Variants in CSMD1 observed in about 807,000 individuals in gnomAD.
CSMD1 encodes the protein CUB and sushi domain-containing protein 1.
CSMD1 carries 213 observed loss-of-function variants against 417.5 expected under a neutral mutation model. The ratio of observed to expected loss-of-function variants is 0.51; its 90% CI spans 0.46 to 0.57. The LOEUF (loss-of-function observed/expected upper bound fraction) is 0.57, where lower values mean the gene tolerates loss of function less well. Ranked by LOEUF, CSMD1 falls within the 20% of genes least tolerant of loss-of-function variation. The probability of loss-of-function intolerance (pLI) is 0.00; values close to 1 mark genes in which losing one functional copy is unlikely to be tolerated. For missense variants in CSMD1, 6,923 were observed against 4,529.7 expected, an observed-to-expected ratio of 1.53 and a Z score of -15.17; for synonymous variants, 2,862 against 1,736.8, an observed-to-expected ratio of 1.65 and a Z score of -16.11.
intron 7 of CSMD1, 21 bp downstream of exon 7, chr8:3,708,393 A>T: frequency 6.2e-7 from 1 of 1,607,834 alleles, no homozygotes; most frequent in Non-Finnish European, 8.5e-7. Context: ...CAATCCTCAG[A>T]TAGAAAGGAA....
Position 4,633,641 on chromosome 8 carries a change from C to T in CSMD1, c.302+3701G>A, listed in dbSNP as rs371522729. ...GCATGATCTGCACTCACTGCAACCT[C>T]CATTTCCCAGGTTCAAGTGATTCTC... On this transcript the variant is annotated intron_variant, in intron 2 of 69. Coordinates refer to ENST00000635120, the MANE Select transcript of CSMD1 (RefSeq NM_033225.6). 2.3e-3 allele frequency among the ~76,000 whole-genome samples: 345 copies of T among 152,256 alleles called. 1 individual carries two copies. The highest frequency in any genetic ancestry group is 7.8e-3 in the African/African-American group (324 of 41,548).
rs1488475857 is a variant in CSMD1 at position 3,932,259 on chromosome 8, A to G, written c.818+65644T>C. Among the ~76,000 whole-genome samples the G allele has an allele frequency of 1.3e-5, 2 of 150,594 alleles. 1 individual carries two copies. The highest frequency in any genetic ancestry group is 4.9e-5 in the African/African-American group (2 of 40,868). On this transcript the variant is annotated intron_variant, in intron 5 of 69. Coordinates refer to ENST00000635120, the MANE Select transcript of CSMD1 (RefSeq NM_033225.6). ...ACTTAAGAGCAGGAAAATCGACGAA[A>G]GTAATAGTTGGTTGAGAATTCTCAA...
chr8:4,717,206 A>G (rs147942955), intron 1 of CSMD1, among the ~76,000 whole-genome samples: 1 of 151,604 alleles, frequency 6.6e-6, no homozygotes, highest in Non-Finnish European at 1.5e-5. Flanking sequence ...GAGTAACAGT[A>G]TTAACAGGTT....
chr8:4,823,145 C>T (rs1012809652), intron 1 of CSMD1, among the ~76,000 whole-genome samples: 2 of 152,058 alleles, frequency 1.3e-5, no homozygotes, highest in African/African-American at 4.8e-5. Context: ...ATGCTTTATG[C>T]AGCAATCGTC....
intron 1 of CSMD1, among the ~76,000 whole-genome samples, chr8:4,793,964 A>C (rs1797838977): frequency 6.6e-6 from 1 of 152,152 alleles, no homozygotes; most frequent in African/African-American, 2.4e-5. Context: ...TTCTGTTAGG[A>C]ATAGTTAACT....
chr8:4,992,986 G>C (rs560232883), intron 1 of CSMD1, among the ~76,000 whole-genome samples: 1 of 152,326 alleles, frequency 6.6e-6, no homozygotes, highest in East Asian at 1.9e-4. Context: ...GCCCCGTGGA[G>C]GCAAGTGCAG....
chr8:3,222,988 C>T (rs918761332), intron 28 of CSMD1, among the ~76,000 whole-genome samples: 5 of 152,122 alleles, frequency 3.3e-5, no homozygotes, highest in African/African-American at 9.7e-5. Flanking sequence ...GATACTTGTC[C>T]TTGGATAGCT....
chr8:4,784,419 T>C (rs17071342), intron 1 of CSMD1, among the ~76,000 whole-genome samples: 17,543 of 149,502 alleles, frequency 0.12, 1,389 homozygotes, highest in Admixed American at 0.24. Context: ...AACAAACTCA[T>C]ATGGATTTTT....
At chr8:4,294,179 G>A (rs79640264) in intron 3 of CSMD1, among the ~76,000 whole-genome samples, 188 of 152,276 alleles carry the variant, frequency 1.2e-3, no homozygotes, top group African/African-American at 4.2e-3. Flanking sequence ...GCCATCAGCA[G>A]CAACTACACC....
chr8:4,418,513 G>T (rs1044570006), intron 3 of CSMD1, among the ~76,000 whole-genome samples: 2 of 152,088 alleles, frequency 1.3e-5, no homozygotes, highest in African/African-American at 4.8e-5. Flanking sequence ...AACTTCATCA[G>T]GAGGGGAGAA....
chr8:3,000,521 A>C (rs938682017), intron 52 of CSMD1, among the ~76,000 whole-genome samples: 2 of 152,166 alleles, frequency 1.3e-5, no homozygotes, highest in Admixed American at 1.3e-4. Flanking sequence ...GATTATGGGT[A>C]GTAAGGAGAT....
intron 25 of CSMD1, among the ~76,000 whole-genome samples, chr8:3,300,063 A>C (rs553049756): frequency 1.4e-4 from 22 of 152,328 alleles, no homozygotes; most frequent in South Asian, 4.1e-4. Context: ...AAACAACCTG[A>C]ATATTCCAAA....
intron 5 of CSMD1, among the ~76,000 whole-genome samples, chr8:3,825,195 C>T (rs1450191676): frequency 6.6e-6 from 1 of 152,048 alleles, no homozygotes. Context: ...TGCTGATTCC[C>T]TGAAGGAGTC....
At chr8:3,748,327 G>A (rs937953888) in intron 6 of CSMD1, among the ~76,000 whole-genome samples, 5 of 152,188 alleles carry the variant, frequency 3.3e-5, no homozygotes, top group Admixed American at 6.5e-5. Flanking sequence ...TATTTTGATT[G>A]AAACAATACT....
rs532031307 is a variant in CSMD1, at chr8:4,158,834, T to C, written c.416-126735A>G. Among the ~76,000 whole-genome samples, 10 of 152,328 alleles carry C rather than the reference T, an allele frequency of 6.6e-5. No individual in the cohort carries two copies. In the East Asian group the frequency reaches 9.6e-4, roughly 15 times the overall value. ...TATGGGATGATGTAGAATCCAATAA[T>C]AGGAAGTCAGTTTTCAGAATCTGAA... On this transcript the variant is annotated intron_variant, in intron 3 of 69. Coordinates refer to ENST00000635120, the MANE Select transcript of CSMD1 (RefSeq NM_033225.6).
At chr8:4,745,818 G>C (rs1585034117) in intron 1 of CSMD1, among the ~76,000 whole-genome samples, 1 of 152,112 alleles carries the variant, frequency 6.6e-6, no homozygotes, top group African/African-American at 2.4e-5. Flanking sequence ...TAGTACAAAT[G>C]AGGGGTGAAG....
intron 3 of CSMD1, among the ~76,000 whole-genome samples, chr8:4,258,814 G>A (rs1005895869): frequency 2.0e-5 from 3 of 152,102 alleles, no homozygotes; most frequent in Non-Finnish European, 4.4e-5. Context: ...TAAGGGCACA[G>A]CAGCAGAAAG....
chr8:3,276,776 C>G (rs1389578409), intron 26 of CSMD1, among the ~76,000 whole-genome samples: 1 of 152,142 alleles, frequency 6.6e-6, no homozygotes, highest in Non-Finnish European at 1.5e-5. Flanking sequence ...TATGCAAAGT[C>G]ATACTAATAT....
chr8:4,585,810 T>C (rs934292888), intron 2 of CSMD1, among the ~76,000 whole-genome samples: 2 of 152,132 alleles, frequency 1.3e-5, no homozygotes, highest in Non-Finnish European at 2.9e-5. Flanking sequence ...TAAATCTGAG[T>C]AAATACTCTT....
Sources: gnomAD v4.1 joint callset for allele counts (sites outside exome capture counted in the v4.1 genomes callset) on GRCh38, gnomAD v4.1.1 for gene constraint, MANE v1.5 for transcripts, NCBI Gene and HGNC (gene_info 2026-07-23, HGNC 2026-07-21) for gene names.